The following PLAGL1 variants were observed in gnomAD, a reference collection of about 807,000 sequenced individuals.
The protein encoded by PLAGL1 is zinc finger protein PLAGL1.
PLAGL1 carries 1 observed loss-of-function variant against 4.6 expected under a neutral mutation model. That is an observed-to-expected ratio of 0.22 (90% CI 0.08 to 1.03). The LOEUF is 1.03. PLAGL1 is among the 50% of genes least tolerant of loss of function. The pLI is 0.58. For synonymous variants in PLAGL1, 240 were observed against 237.8 expected, an observed-to-expected ratio of 1.01 and a Z score of -0.08; for missense variants, 464 against 570.4, an observed-to-expected ratio of 0.81 and a Z score of 1.90.
rs1205514321 is a variant in PLAGL1, at chr6:143,982,511, T to G, written c.-544+2624A>C. On this transcript the variant is annotated intron_variant, in intron 2 of 7. Coordinates refer to ENST00000674357, the MANE Select transcript of PLAGL1 (RefSeq NM_001317162.2). The surrounding 1 kb of genome is among the most constrained non-coding windows in gnomAD (Gnocchi z 5.3). ...GAGCAGAAAAGTAACACGATCAGAC[T>G]TAACAGTTTTAAATAATTTATCGGG... is the stretch of plus-strand genomic sequence containing the variant. 6.6e-6 allele frequency among the ~76,000 whole-genome samples: 1 copy of G among 152,174 alleles called. No individual in the cohort carries two copies. Among genetic ancestry groups the G allele is most frequent in the East Asian group, 1.9e-4 (1 of 5,198 alleles).
At position 143,948,419 on chromosome 6, in the gene PLAGL1, G is replaced by A; in HGVS notation, c.-283C>T. On this transcript the variant is annotated 5_prime_UTR_variant, in exon 7 of 8. It introduces an in-frame stop codon into an upstream open reading frame of the 5' UTR. Transcript: ENST00000674357. The surrounding 1 kb of genome is among the most constrained non-coding windows in gnomAD (Gnocchi z 6.0). ...CGATTCAGGAGCAGAAAGGTAATCT[G>A]CATCACTATAGCTGGGGCATGTCCT... 2.8e-6 allele frequency: 1 copy of A among 361,474 alleles called. No individual in the cohort carries two copies. The allele number at this position is 361,474 out of a possible 1,614,324, so 22.4% of individuals were successfully genotyped here. A position where few individuals can be genotyped will look rare whatever the true frequency, so the allele number is the denominator to read the frequency against.
At chr6:143,996,842 A>C (rs1791734423) in intron 1 of PLAGL1, among the ~76,000 whole-genome samples, 2 of 152,198 alleles carry the variant, frequency 1.3e-5, no homozygotes, top group Non-Finnish European at 1.5e-5. Flanking sequence ...ATCCTGAAAA[A>C]AATTAACCTT....
Position 144,064,233 on chromosome 6 carries a change from C to T in PLAGL1, c.-151+235G>A, listed in dbSNP as rs1799659100. ...AAAGGGAAGCGCGCCCCAAGCCGCA[C>T]AAAGGTGGCCGCCGGTGTCCCAAGC... On this transcript the variant is annotated intron_variant, in intron 1 of 3. Transcript: ENST00000437412. The surrounding 1 kb of genome is among the most constrained non-coding windows in gnomAD (Gnocchi z 6.8). Among the ~76,000 whole-genome samples the T allele has an allele frequency of 6.6e-6, 1 of 152,114 alleles. No individual in the cohort carries two copies.
rs1219101466 is a variant in PLAGL1, at chr6:143,978,312, A to G, written c.-544+6823T>C. 6.6e-6 allele frequency among the ~76,000 whole-genome samples: 1 copy of G among 152,180 alleles called. No homozygotes were observed. Among genetic ancestry groups the G allele is most frequent in the Non-Finnish European group, 1.5e-5 (1 of 68,026 alleles). ...TTTTTCTTTTCTAATACATCATTTA[A>G]TGCTACAAATTTTGAAGCACTGTTT... On this transcript the variant is annotated intron_variant, in intron 2 of 7. Coordinates refer to ENST00000674357, the MANE Select transcript of PLAGL1 (RefSeq NM_001317162.2). This position sits in a 1 kb window ranked among gnomAD's most constrained non-coding sequence, Gnocchi z 4.6.
At chr6:144,038,586 G>GT (rs548474223) in intron 1 of PLAGL1, among the ~76,000 whole-genome samples, 72 of 151,916 alleles carry the variant, frequency 4.7e-4, no homozygotes, top group African/African-American at 1.6e-3. Flanking sequence ...GGAAAGAATA[G>GT]TTTTTTTTCA....
chr6:143,977,753 GCCT>G (rs1787039792), intron 2 of PLAGL1, among the ~76,000 whole-genome samples: 1 of 151,962 alleles, frequency 6.6e-6, no homozygotes, highest in Non-Finnish European at 1.5e-5. Context: ...ACCCATCTCG[GCCT>G]CCAAAGGTGC....
intron 1 of PLAGL1, among the ~76,000 whole-genome samples, chr6:144,054,817 G>A (rs948977884): frequency 7.0e-6 from 1 of 143,624 alleles, no homozygotes; most frequent in East Asian, 2.1e-4. Context: ...GTGTGTGTGT[G>A]TGTGTTCATG....
At position 144,059,512 on chromosome 6, in the gene PLAGL1, T is replaced by C. The variant is rs935310896; in HGVS notation, c.-151+4956A>G. Among the ~76,000 whole-genome samples the C allele has an allele frequency of 6.6e-6, 1 of 152,358 alleles. No homozygotes were observed. The highest frequency in any genetic ancestry group is 2.1e-4 in the South Asian group (1 of 4,830). On this transcript the variant is annotated intron_variant, in intron 1 of 3. Coordinates refer to the PLAGL1 transcript ENST00000437412. This position sits in a 1 kb window ranked among gnomAD's most constrained non-coding sequence, Gnocchi z 4.9. ...CTTTCCTGGGGACCCTGTGACCTCC[T>C]GCTCTGTAACCTCCCTTCTCAATAA...
chr6:144,042,001 A>G (rs1031596464), intron 1 of PLAGL1, among the ~76,000 whole-genome samples: 1 of 152,146 alleles, frequency 6.6e-6, no homozygotes, highest in African/African-American at 2.4e-5. Context: ...GTATCTGTTC[A>G]TATCCTTTGC....
At chr6:143,986,339 C>G (rs936109377) in intron 1 of PLAGL1, among the ~76,000 whole-genome samples, 10 of 152,162 alleles carry the variant, frequency 6.6e-5, no homozygotes, top group Non-Finnish European at 1.2e-4. Context: ...GTATTTTATT[C>G]AAGCATGAAA....
chr6:144,031,133 C>T (rs553311606), intron 1 of PLAGL1, among the ~76,000 whole-genome samples: 3 of 152,070 alleles, frequency 2.0e-5, no homozygotes, highest in Non-Finnish European at 4.4e-5. Context: ...TGCTTGTTGG[C>T]CATTTGTATA....
chr6:144,021,126 A>G (rs1795947649), intron 1 of PLAGL1, among the ~76,000 whole-genome samples: 1 of 152,026 alleles, frequency 6.6e-6, no homozygotes, highest in Non-Finnish European at 1.5e-5. Context: ...AGACATGACA[A>G]CTGGGCATAA....
In PLAGL1 at chr6:144,000,510, G is replaced by T. The variant is rs2128655499; in HGVS notation, c.-584+7580C>A. 6.6e-6 allele frequency among the ~76,000 whole-genome samples: 1 copy of T among 152,156 alleles called. No homozygotes were observed. Among genetic ancestry groups the T allele is most frequent in the East Asian group, 1.9e-4 (1 of 5,186 alleles). On this transcript the variant is annotated intron_variant, in intron 1 of 7. Coordinates refer to ENST00000674357, the MANE Select transcript of PLAGL1 (RefSeq NM_001317162.2). The surrounding 1 kb of genome is among the most constrained non-coding windows in gnomAD (Gnocchi z 4.1). Reference sequence around the variant, plus strand: ...AGTCCTTTATTTATATCATATCATTGAAGGACACAAAAAGGACATGTGAGA... The same window carrying T: ...AGTCCTTTATTTATATCATATCATTTAAGGACACAAAAAGGACATGTGAGA...
intron 1 of PLAGL1, among the ~76,000 whole-genome samples, chr6:144,023,458 A>T (rs762290390): frequency 9.5e-4 from 145 of 152,284 alleles, no homozygotes; most frequent in Non-Finnish European, 1.2e-3. Flanking sequence ...GCATAAACTC[A>T]TTGAAGGGGG....
intron 2 of PLAGL1, among the ~76,000 whole-genome samples, chr6:143,969,915 A>G (rs1785109377): frequency 6.6e-6 from 1 of 152,210 alleles, no homozygotes; most frequent in Non-Finnish European, 1.5e-5. Context: ...AAGGACAGAA[A>G]CTGGACAGCA....
chr6:144,030,138 C>T (rs1164753287), intron 1 of PLAGL1, among the ~76,000 whole-genome samples: 2 of 151,064 alleles, frequency 1.3e-5, no homozygotes, highest in East Asian at 2.0e-4. Context: ...GCCTGTAGTC[C>T]CAGCTATTTG....
intron 1 of PLAGL1, among the ~76,000 whole-genome samples, chr6:143,987,768 C>T (rs1305244831): frequency 6.6e-6 from 1 of 152,044 alleles, no homozygotes; most frequent in Non-Finnish European, 1.5e-5. Flanking sequence ...TTCAAGAAAA[C>T]ACTGTGTCCT....
At position 143,964,023 on chromosome 6, in the gene PLAGL1, G is replaced by A. The variant is rs1583242287; in HGVS notation, c.-399+764C>T. ...AAATTCTGCTGGACTTCTGGGAGGC[G>A]AGAAGGAGAAGCAGAGGAGAAGCTG... On this transcript the variant is annotated intron_variant, in intron 5 of 7. Coordinates refer to ENST00000674357, the MANE Select transcript of PLAGL1 (RefSeq NM_001317162.2). The surrounding 1 kb of genome is among the most constrained non-coding windows in gnomAD (Gnocchi z 4.3). 1.3e-5 allele frequency among the ~76,000 whole-genome samples: 2 copies of A among 152,156 alleles called. No homozygotes were observed. Among genetic ancestry groups the A allele is most frequent in the Admixed American group, 1.3e-4 (2 of 15,284 alleles).
chr6:144,061,464 G>C lies in PLAGL1; in HGVS notation c.-151+3004C>G, dbSNP rs1333480045. 6.6e-6 allele frequency among the ~76,000 whole-genome samples: 1 copy of C among 152,186 alleles called. No homozygotes were observed. Among genetic ancestry groups the C allele is most frequent in the Non-Finnish European group, 1.5e-5 (1 of 68,036 alleles). The stretch of plus-strand genomic sequence containing the variant: ...CAGGTGCCTCTGAAACATCGTAGCT[G>C]TTAATCCTCATAAGTCTCCTGTAGA... On this transcript the variant is annotated intron_variant, in intron 1 of 3. Transcript: ENST00000437412. The surrounding 1 kb of genome is among the most constrained non-coding windows in gnomAD (Gnocchi z 4.4).
Sources: gnomAD v4.1 joint callset for allele counts (sites outside exome capture counted in the v4.1 genomes callset) on GRCh38, gnomAD v4.1.1 for gene constraint, Gnocchi (gnomAD v3.1) non-coding constraint, MANE v1.5 for transcripts, NCBI Gene and HGNC (gene_info 2026-07-23, HGNC 2026-07-21) for gene names.